The following GNAQ variants were observed in gnomAD, a reference collection of about 807,000 sequenced individuals.
GNAQ encodes the protein G protein subunit alpha q, also known as guanine nucleotide-binding protein G(q) subunit alpha.
GNAQ carries 8 observed loss-of-function variants against 43.9 expected under a neutral mutation model. That is an observed-to-expected ratio of 0.18 (90% CI 0.11 to 0.33). The LOEUF (loss-of-function observed/expected upper bound fraction) is 0.33, where lower values mean the gene tolerates loss of function less well. Among genes scored for constraint, GNAQ ranks in the 10% least tolerant of loss-of-function variants. The pLI is 1.00. For missense variants in GNAQ, 158 were observed against 450.8 expected (o/e 0.35, Z 5.88); for synonymous variants, 155 against 170.7 (o/e 0.91, Z 0.71).
At chr9:77,845,746 G>C (rs1827574038) in intron 2 of GNAQ, among the ~76,000 whole-genome samples, 1 of 152,202 alleles carries the variant, frequency 6.6e-6, no homozygotes, top group African/African-American at 2.4e-5. Flanking sequence ...ATCTGCAACA[G>C]ATGGAAAGTG....
At chr9:77,751,602 C>T (rs909968584) in intron 5 of GNAQ, among the ~76,000 whole-genome samples, 11 of 152,178 alleles carry the variant, frequency 7.2e-5, no homozygotes, top group South Asian at 4.2e-4. Context: ...TGGACAGAGA[C>T]GTGGAAAGAG....
intron 2 of GNAQ, among the ~76,000 whole-genome samples, chr9:77,915,328 T>C (rs11788330): frequency 1.3e-5 from 2 of 151,592 alleles, no homozygotes; most frequent in African/African-American, 4.8e-5. Flanking sequence ...TTATTCTTTG[T>C]TTTATTCTTT....
rs527766514 is a variant in GNAQ, at chr9:77,928,470, T to C, written c.137-6125A>G. ...ATTAATAATAACTAATCCAGTTAAG[T>C]TGTTTTAAAGGAAAAGACAGGCAAA... is the stretch of plus-strand genomic sequence containing the variant. On this transcript the variant is annotated intron_variant, in intron 1 of 6. Transcript: ENST00000286548. 1.1e-3 allele frequency among the ~76,000 whole-genome samples: 174 copies of C among 152,322 alleles called. 1 individual carries two copies. Among genetic ancestry groups the C allele is most frequent in the African/African-American group, 3.9e-3 (162 of 41,564 alleles).
chr9:77,769,934 G>A (rs1826195970), intron 5 of GNAQ, among the ~76,000 whole-genome samples: 1 of 152,066 alleles, frequency 6.6e-6, no homozygotes, highest in African/African-American at 2.4e-5. Context: ...CCAAAGTGCT[G>A]GGATTACAGA....
In GNAQ at chr9:77,719,595, G is replaced by A; in HGVS notation, c.*1728C>T. On this transcript the variant is annotated 3_prime_UTR_variant, in exon 7 of 7. Coordinates refer to ENST00000286548, the MANE Select transcript of GNAQ (RefSeq NM_002072.5). Reference sequence around the variant, plus strand: ...GATTTATATGGAAGTTTACACTAGTGCCAAATACCACTGTAGTTAAAATGA... The same window carrying A: ...GATTTATATGGAAGTTTACACTAGTACCAAATACCACTGTAGTTAAAATGA... The A allele has an allele frequency of 4.3e-6, 1 of 232,656 alleles. No individual in the cohort carries two copies. Among genetic ancestry groups the A allele is most frequent in the Non-Finnish European group, 8.5e-6 (1 of 117,712 alleles). The allele number at this position is 232,656 out of a possible 1,614,324, so 14.4% of individuals were successfully genotyped here. A position where few individuals can be genotyped will look rare whatever the true frequency, so the allele number is the denominator to read the frequency against.
chr9:77,910,634 A>ATT (rs61537040), intron 2 of GNAQ, among the ~76,000 whole-genome samples: 2 of 145,404 alleles, frequency 1.4e-5, no homozygotes, highest in East Asian at 4.0e-4. Flanking sequence ...TTAGAGTGCT[A>ATT]TTTTTTTTTT....
intron 1 of GNAQ, among the ~76,000 whole-genome samples, chr9:78,023,970 G>GT (rs1364234885): frequency 8.1e-6 from 1 of 123,890 alleles, no homozygotes; most frequent in African/African-American, 2.7e-5. Context: ...ACACTATAAT[G>GT]GCATTAGTAA....
chr9:77,985,727 C>A (rs947182625), intron 1 of GNAQ, among the ~76,000 whole-genome samples: 3 of 152,054 alleles, frequency 2.0e-5, no homozygotes, highest in Non-Finnish European at 4.4e-5. Flanking sequence ...GCTGGGATTA[C>A]AGGCATGCAC....
intron 1 of GNAQ, among the ~76,000 whole-genome samples, chr9:77,987,009 G>C (rs76718632): frequency 0.011 from 1,622 of 152,172 alleles, 21 homozygotes; most frequent in African/African-American, 0.036. Flanking sequence ...TGGTTCCTAA[G>C]TGATGGAAAC....
At chr9:77,948,693 CTG>C (rs1192746750) in intron 1 of GNAQ, among the ~76,000 whole-genome samples, 1 of 152,166 alleles carries the variant, frequency 6.6e-6, no homozygotes, top group East Asian at 1.9e-4. Flanking sequence ...ATAAATAACC[CTG>C]TGAGGTAAAT....
intron 5 of GNAQ, among the ~76,000 whole-genome samples, chr9:77,790,644 G>A (rs1339029137): frequency 6.6e-6 from 1 of 152,168 alleles, no homozygotes. Flanking sequence ...GAAAGGGCAG[G>A]ATTTTCATTC....
At chr9:77,913,811 C>A (rs985718309) in intron 2 of GNAQ, among the ~76,000 whole-genome samples, 10 of 151,886 alleles carry the variant, frequency 6.6e-5, no homozygotes, top group African/African-American at 1.5e-4. Context: ...TGACCCAGAT[C>A]AAAAAATCCA....
At chr9:77,842,651 C>A (rs746448415) in intron 2 of GNAQ, among the ~76,000 whole-genome samples, 4 of 152,144 alleles carry the variant, frequency 2.6e-5, no homozygotes, top group Non-Finnish European at 4.4e-5. Flanking sequence ...TGCTGAGACA[C>A]TGAGAGATTC....
intron 1 of GNAQ, among the ~76,000 whole-genome samples, chr9:77,984,171 C>T (rs1409093538): frequency 7.8e-6 from 1 of 128,882 alleles, no homozygotes; most frequent in Non-Finnish European, 1.6e-5. Flanking sequence ...GATTTTTTTG[C>T]TTTTCTTTTT....
intron 2 of GNAQ, among the ~76,000 whole-genome samples, chr9:77,919,620 G>C (rs1828966285): frequency 6.6e-6 from 1 of 152,092 alleles, no homozygotes; most frequent in African/African-American, 2.4e-5. Flanking sequence ...TGACGCTTTA[G>C]AACATGTATA....
chr9:77,844,058 C>T (rs1270707942), intron 2 of GNAQ, among the ~76,000 whole-genome samples: 3 of 152,198 alleles, frequency 2.0e-5, no homozygotes, highest in African/African-American at 7.2e-5. Context: ...TCTCCCAGGA[C>T]TGGCCTCAAT....
chr9:77,825,701 G>A (rs779415697), intron 2 of GNAQ, among the ~76,000 whole-genome samples: 7 of 152,154 alleles, frequency 4.6e-5, no homozygotes, highest in Admixed American at 3.3e-4. Flanking sequence ...AATACAAAGT[G>A]AATGTCTGTT....
chr9:77,874,961 G>A (rs1023231505), intron 2 of GNAQ, among the ~76,000 whole-genome samples: 3 of 151,668 alleles, frequency 2.0e-5, no homozygotes, highest in Admixed American at 2.0e-4. Context: ...TGAAGGAAAG[G>A]TCATGACCAA....
At chr9:77,885,892 C>T (rs1404406199) in intron 2 of GNAQ, among the ~76,000 whole-genome samples, 2 of 151,968 alleles carry the variant, frequency 1.3e-5, no homozygotes, top group African/African-American at 4.8e-5. Context: ...AAAATAAAAG[C>T]CTTCCCCTTA....
Sources: allele counts gnomAD v4.1 joint callset (sites outside exome capture counted in the v4.1 genomes callset), GRCh38; gene constraint gnomAD v4.1.1; transcripts MANE v1.5; gene names NCBI Gene and HGNC (gene_info 2026-07-23, HGNC 2026-07-21).